Variants in FBH1 observed in about 807,000 individuals in gnomAD.
FBH1 encodes the protein DNA 3'-5' helicase 1.
A neutral mutation model predicts 115.5 loss-of-function variants in FBH1; 43 were observed. That is an observed-to-expected ratio of 0.37 (90% CI 0.29 to 0.48). The LOEUF is 0.48. Among genes scored for constraint, FBH1 ranks in the 20% least tolerant of loss-of-function variants. The pLI, the probability that FBH1 is intolerant of heterozygous loss-of-function variation, is 0.99. For synonymous variants in FBH1, 524 were observed against 507.8 expected, an observed-to-expected ratio of 1.03 and a Z score of -0.43; for missense variants, 1,001 against 1,337.3, an observed-to-expected ratio of 0.75 and a Z score of 3.92.
intron 3 of FBH1, among the ~76,000 whole-genome samples, chr10:5,908,541 T>C (rs554033500): frequency 6.6e-6 from 1 of 152,344 alleles, no homozygotes; most frequent in Non-Finnish European, 1.5e-5. Flanking sequence ...AATTGTGAGC[T>C]GTGATTGCTT....
At position 5,925,759 on chromosome 10, in the gene FBH1, C is replaced by T. The variant is rs1171993598; in HGVS notation, c.2722+267C>T. ...TTGTGGCGGCCCTGTGAGCCCTGCACTGCCCTCAGCTCCAGGTTCTTCGCC... is the reference window on the plus strand; with the variant it reads ...TTGTGGCGGCCCTGTGAGCCCTGCATTGCCCTCAGCTCCAGGTTCTTCGCC... On this transcript the variant is annotated intron_variant, in intron 18 of 20. Transcript: ENST00000362091. The surrounding 1 kb of genome is among the most constrained non-coding windows in gnomAD (Gnocchi z 4.6). Among the ~76,000 whole-genome samples, 1 of 152,262 alleles carries T rather than the reference C, an allele frequency of 6.6e-6. No individual in the cohort carries two copies. The highest frequency in any genetic ancestry group is 1.5e-5 in the Non-Finnish European group (1 of 68,044).
chr10:5,904,614 A>G (rs1026245896), intron 2 of FBH1, among the ~76,000 whole-genome samples: 1 of 152,172 alleles, frequency 6.6e-6, no homozygotes, highest in Non-Finnish European at 1.5e-5. Context: ...TAATCCCAGC[A>G]GTTTGGGAGG....
At chr10:5,903,250 G>A in intron 2 of FBH1, 75 bp downstream of exon 2, 2 of 1,218,812 alleles carry the variant, frequency 1.6e-6, no homozygotes, top group Non-Finnish European at 2.2e-6. Context: ...TAGTTTAAAA[G>A]TATTTGTAAA....
At chr10:5,920,047 G>T (rs887677876) in intron 13 of FBH1, among the ~76,000 whole-genome samples, 12 of 152,142 alleles carry the variant, frequency 7.9e-5, no homozygotes, top group Non-Finnish European at 1.6e-4. Context: ...GTGACTTCAG[G>T]AGCCCATCCA....
At position 5,918,003 on chromosome 10, in the gene FBH1, A is replaced by G. The variant is rs772355269; in HGVS notation, c.1963+327A>G. On this transcript the variant is annotated intron_variant, in intron 12 of 20. Coordinates refer to ENST00000362091, the MANE Select transcript of FBH1 (RefSeq NM_178150.3). This position sits in a 1 kb window ranked among gnomAD's most constrained non-coding sequence, Gnocchi z 4.0. ...TGTCTACTTCTCAAGTGGCTAGGAGAGAACAGACAGTGTTATCCGTCTGAC... is the reference window on the plus strand; with the variant it reads ...TGTCTACTTCTCAAGTGGCTAGGAGGGAACAGACAGTGTTATCCGTCTGAC... 1.3e-5 allele frequency among the ~76,000 whole-genome samples: 2 copies of G among 152,230 alleles called. No individual in the cohort carries two copies. The highest frequency in any genetic ancestry group is 2.9e-5 in the Non-Finnish European group (2 of 68,042).
In FBH1 at chr10:5,923,932, A is replaced by G; in HGVS notation, c.2398+236A>G. ...AGTCTCTTTCCAACACTGGTCCCAT[A>G]GACTGTCTTCCCCTGCATCCTTCTG... is the stretch of plus-strand genomic sequence containing the variant. On this transcript the variant is annotated intron_variant, in intron 16 of 20. Transcript: ENST00000362091. The surrounding 1 kb of genome is among the most constrained non-coding windows in gnomAD (Gnocchi z 5.7). 1.7e-6 allele frequency: 1 copy of G among 577,774 alleles called. No individual in the cohort carries two copies. Among genetic ancestry groups the G allele is most frequent in the Non-Finnish European group, 3.1e-6 (1 of 326,570 alleles). The allele number at this position is 577,774 out of a possible 1,614,324, so 35.8% of individuals were successfully genotyped here.
chr10:5,906,658 T>A lies in FBH1; in HGVS notation c.753+26T>A, dbSNP rs373776919. The A allele has an allele frequency of 9.0e-6, 14 of 1,557,274 alleles. No individual in the cohort carries two copies. The highest frequency in any genetic ancestry group is 1.1e-5 in the Non-Finnish European group (13 of 1,146,308). ...GTGAGTGAGTGCTGGAGTCGGGAGA[T>A]GTTTCCTCTAAAAGCACGTAACTTT... is the stretch of plus-strand genomic sequence containing the variant. On this transcript the variant is annotated intron_variant, in intron 3 of 20. Transcript: ENST00000362091. The surrounding 1 kb of genome is among the most constrained non-coding windows in gnomAD (Gnocchi z 7.3).
At position 5,917,764 on chromosome 10, in the gene FBH1, G is replaced by T. The variant is rs558729341; in HGVS notation, c.1963+88G>T. On this transcript the variant is annotated intron_variant, in intron 12 of 20. Transcript: ENST00000362091. This position sits in a 1 kb window ranked among gnomAD's most constrained non-coding sequence, Gnocchi z 5.6. Reference sequence around the variant, plus strand: ...AGAGGACACCTGTGTGAACTAAGTTGATTATTATTATTTGTGATAAAGAAG... The same window carrying T: ...AGAGGACACCTGTGTGAACTAAGTTTATTATTATTATTTGTGATAAAGAAG... 2.6e-5 allele frequency: 26 copies of T among 998,270 alleles called. No individual in the cohort carries two copies. The highest frequency in any genetic ancestry group is 2.1e-4 in the Admixed American group (10 of 48,110). 61.8% of individuals were successfully genotyped at this position (998,270 alleles called of 1,614,324 possible). A position where few individuals can be genotyped will look rare whatever the true frequency, so the allele number is the denominator to read the frequency against.
At position 5,918,451 on chromosome 10, in the gene FBH1, C is replaced by G; in HGVS notation, c.2073C>G (p.Pro691=). The G allele has an allele frequency of 6.2e-7, 1 of 1,604,618 alleles. No homozygotes were observed. The highest frequency in any genetic ancestry group is 8.5e-7 in the Non-Finnish European group (1 of 1,177,212). ...CGGTCAACGCCCTGTTCACAGTGCC[C>G]CACACCCACGTCTTCTATCTCACGC... ...RGAVNALFTV[P]HTHVFYLTQS... The change falls in exon 13 of 21, where the codon CCC becomes CCG. Residue 691 remains proline, a synonymous_variant. Transcript: ENST00000362091. This position sits in a 1 kb window ranked among gnomAD's most constrained non-coding sequence, Gnocchi z 4.0.
chr10:5,924,723 G>A lies in FBH1; in HGVS notation c.2596+215G>A, dbSNP rs1183549223. ...GCTGGGACTACAGGCCCCACCACCA[G>A]CCCGGCTAGTTTGTGTATTTTTTGT... On this transcript the variant is annotated intron_variant, in intron 17 of 20. Coordinates refer to ENST00000362091, the MANE Select transcript of FBH1 (RefSeq NM_178150.3). This position sits in a 1 kb window ranked among gnomAD's most constrained non-coding sequence, Gnocchi z 6.2. The A allele has an allele frequency of 1.6e-6, 1 of 609,192 alleles. No homozygotes were observed. The highest frequency in any genetic ancestry group is 3.0e-6 in the Non-Finnish European group (1 of 329,804). The allele number at this position is 609,192 out of a possible 1,614,324, so 37.7% of individuals were successfully genotyped here. A position where few individuals can be genotyped will look rare whatever the true frequency, so the allele number is the denominator to read the frequency against.
At chr10:5,889,661 G>C (rs1486542378), upstream of FBH1, 3 of 183,018 alleles carry the variant, frequency 1.6e-5, no homozygotes, top group East Asian at 4.4e-4. Context: ...GGATGAGCAC[G>C]GAGGGGCCTG....
intron 13 of FBH1, among the ~76,000 whole-genome samples, chr10:5,919,702 A>C (rs1832201244): frequency 6.6e-6 from 1 of 152,204 alleles, no homozygotes. Context: ...TGAAAGTATC[A>C]ACTGTGCTGT....
In FBH1 at chr10:5,895,594, G is replaced by A. The variant is rs77897759; in HGVS notation, c.1+5248G>A. ...GACATGTAATGGCCTCACAATAGAC[G>A]TTTATTTTTCAATCCCATAACAATC... is the stretch of plus-strand genomic sequence containing the variant. On this transcript the variant is annotated intron_variant, in intron 1 of 20. Coordinates refer to ENST00000362091, the MANE Select transcript of FBH1 (RefSeq NM_178150.3). This position sits in a 1 kb window ranked among gnomAD's most constrained non-coding sequence, Gnocchi z 5.0. Among the ~76,000 whole-genome samples, 2,077 of 152,226 alleles carry A rather than the reference G, an allele frequency of 0.014. 31 individuals are homozygous for A. The highest frequency in any genetic ancestry group is 0.04 in the African/African-American group (1,661 of 41,544).
At position 5,921,957 on chromosome 10, in the gene FBH1, C is replaced by T. The variant is rs367769176; in HGVS notation, c.2322+388C>T. ...GCTCTAGTTCTGACTGGTCACTAAC[C>T]GTGTGTGGCTTGGGGCAAGTCACAA... On this transcript the variant is annotated intron_variant, in intron 15 of 20. Coordinates refer to ENST00000362091, the MANE Select transcript of FBH1 (RefSeq NM_178150.3). The surrounding 1 kb of genome is among the most constrained non-coding windows in gnomAD (Gnocchi z 6.4). Among the ~76,000 whole-genome samples the T allele has an allele frequency of 9.8e-5, 15 of 152,320 alleles. No homozygotes were observed. Among genetic ancestry groups the T allele is most frequent in the Non-Finnish European group, 1.9e-4 (13 of 68,026 alleles).
In FBH1 at chr10:5,911,084, G is replaced by A. The variant is rs369355823; in HGVS notation, c.1167G>A (p.Val389=). The A allele has an allele frequency of 3.7e-6, 6 of 1,613,258 alleles. No individual in the cohort carries two copies. In the African/African-American group the frequency reaches 8.0e-5, roughly 22 times the overall value. Residue 389 remains valine, a synonymous_variant, in exon 6 of 21, where the codon GTG becomes GTA. Transcript: ENST00000362091. The surrounding 1 kb of genome is among the most constrained non-coding windows in gnomAD (Gnocchi z 5.4). ...DVTETLYCIA[V]LLYAMREKGI... Reference sequence around the variant, plus strand: ...CCGAGACCCTGTACTGCATAGCCGTGCTTCTCTACGCCATGAGGGAGAAGG... The same window carrying A: ...CCGAGACCCTGTACTGCATAGCCGTACTTCTCTACGCCATGAGGGAGAAGG...
In FBH1 at chr10:5,890,273, G is replaced by T. The variant is rs1434879752; in HGVS notation, c.-73G>T. On this transcript the variant is annotated 5_prime_UTR_variant, in exon 1 of 21. Transcript: ENST00000362091. ...GGCCAGAGGAGGAGCTCGCTGCCGG[G>T]GGACGCTGGGCTGAGCGGCCGGCGG... The T allele has an allele frequency of 1.3e-5, 5 of 370,406 alleles. No homozygotes were observed. Among genetic ancestry groups the T allele is most frequent in the Non-Finnish European group, 2.0e-5 (4 of 198,376 alleles). The allele number at this position is 370,406 out of a possible 1,614,324, so 22.9% of individuals were successfully genotyped here.
chr10:5,934,438 A>G (rs1394683653), intron 19 of FBH1: 1 of 143,690 alleles, frequency 7.0e-6, no homozygotes, highest in Non-Finnish European at 1.5e-5. Flanking sequence ...CAGTGGTGCC[A>G]TCTTGCTCGG....
In FBH1 at chr10:5,909,074, G is replaced by A. The variant is rs368510944; in HGVS notation, c.884+19G>A. On this transcript the variant is annotated intron_variant, in intron 4 of 20. Coordinates refer to ENST00000362091, the MANE Select transcript of FBH1 (RefSeq NM_178150.3). The surrounding 1 kb of genome is among the most constrained non-coding windows in gnomAD (Gnocchi z 4.4). Reference sequence around the variant, plus strand: ...TCATACGGTGAGCTTTGCCTGTGCTGTAAAGAAGGCGTCTTTGAAGTCTTC... The same window carrying A: ...TCATACGGTGAGCTTTGCCTGTGCTATAAAGAAGGCGTCTTTGAAGTCTTC... The A allele has an allele frequency of 6.2e-7, 1 of 1,614,020 alleles. No individual in the cohort carries two copies. The highest frequency in any genetic ancestry group is 1.1e-5 in the South Asian group (1 of 91,084).
Position 5,917,351 on chromosome 10 carries a change from A to G in FBH1, c.1789-69A>G. On this transcript the variant is annotated intron_variant, in intron 10 of 20. Transcript: ENST00000362091. This position sits in a 1 kb window ranked among gnomAD's most constrained non-coding sequence, Gnocchi z 5.6. ...GCTCCACTGCTGTATGGGAGTTGAC[A>G]GTGTGACCGCAGGGTGCTGCCTTTG... 7.7e-7 allele frequency: 1 copy of G among 1,306,018 alleles called. No homozygotes were observed. The highest frequency in any genetic ancestry group is 1.1e-6 in the Non-Finnish European group (1 of 910,138). 80.9% of individuals were successfully genotyped at this position (1,306,018 alleles called of 1,614,324 possible). A position where few individuals can be genotyped will look rare whatever the true frequency, so the allele number is the denominator to read the frequency against.
Sources: allele counts gnomAD v4.1 joint callset (sites outside exome capture counted in the v4.1 genomes callset), GRCh38; gene constraint gnomAD v4.1.1; non-coding constraint Gnocchi (gnomAD v3.1); transcripts MANE v1.5; gene names NCBI Gene and HGNC (gene_info 2026-07-23, HGNC 2026-07-21).